C2orf42: variants seen among roughly 807,000 people sequenced by gnomAD.
The protein encoded by C2orf42 is uncharacterized protein C2orf42.
C2orf42 carries 44 observed loss-of-function variants against 58.9 expected under a neutral mutation model. That is an observed-to-expected ratio of 0.75 (90% CI 0.59 to 0.96). The LOEUF is 0.96. Among genes scored for constraint, C2orf42 ranks in the 40% least tolerant of loss-of-function variants. The pLI is 0.00. For missense variants in C2orf42, 630 were observed against 699.2 expected, an observed-to-expected ratio of 0.90 and a Z score of 1.12; for synonymous variants, 239 against 265.4, an observed-to-expected ratio of 0.90 and a Z score of 0.97.
chr2:70,159,607 A>AAT, intron 9 of C2orf42, among the ~76,000 whole-genome samples: 1 of 150,104 alleles, frequency 6.7e-6, no homozygotes, highest in Admixed American at 6.6e-5. Flanking sequence ...AAAAAAAAAA[A>AAT]TTTAGAACTG....
chr2:70,158,711 G>A (rs1672859406), intron 9 of C2orf42, among the ~76,000 whole-genome samples: 1 of 151,758 alleles, frequency 6.6e-6, no homozygotes. Flanking sequence ...GCCTCCCAAA[G>A]TGCTGGAATT....
intron 9 of C2orf42, among the ~76,000 whole-genome samples, chr2:70,157,654 G>T (rs1012576045): frequency 6.6e-6 from 1 of 152,014 alleles, no homozygotes; most frequent in Non-Finnish European, 1.5e-5. Flanking sequence ...AAAATTAGCA[G>T]GGTGTGGTGG....
intron 9 of C2orf42, among the ~76,000 whole-genome samples, chr2:70,154,541 G>C (rs1265164471): frequency 6.7e-6 from 1 of 149,226 alleles, no homozygotes; most frequent in Non-Finnish European, 1.5e-5. Flanking sequence ...AAAACAGAAA[G>C]ATTAGAAATA....
At chr2:70,159,907 A>G (rs1432295819) in intron 9 of C2orf42, among the ~76,000 whole-genome samples, 2 of 152,172 alleles carry the variant, frequency 1.3e-5, no homozygotes, top group Non-Finnish European at 2.9e-5. Flanking sequence ...TAAAACTAAG[A>G]GATTTCCATA....
chr2:70,159,394 C>A (rs968642614), intron 9 of C2orf42, among the ~76,000 whole-genome samples: 1 of 151,516 alleles, frequency 6.6e-6, no homozygotes, highest in African/African-American at 2.4e-5. Context: ...TCGAGACCAG[C>A]CTGGGCAACA....
At chr2:70,184,519 A>G (rs1291100404) in intron 1 of C2orf42, among the ~76,000 whole-genome samples, 12 of 112,858 alleles carry the variant, frequency 1.1e-4, no homozygotes, top group African/African-American at 4.0e-4. Flanking sequence ...ACAGAGTCTC[A>G]CTCTGTTGTC....
At chr2:70,179,962 C>CA (rs904225690) in intron 3 of C2orf42, among the ~76,000 whole-genome samples, 31 of 148,724 alleles carry the variant, frequency 2.1e-4, no homozygotes, top group African/African-American at 4.4e-4. Flanking sequence ...AAAACAAAAA[C>CA]AAAAAAAAAA....
chr2:70,157,462 C>G (rs1396691622), intron 9 of C2orf42, among the ~76,000 whole-genome samples: 4 of 148,572 alleles, frequency 2.7e-5, no homozygotes, highest in African/African-American at 1.0e-4. Context: ...TCAAAACAAA[C>G]AAACAAACAA....
chr2:70,162,737 G>A (rs1673138656), intron 8 of C2orf42, among the ~76,000 whole-genome samples: 1 of 151,922 alleles, frequency 6.6e-6, no homozygotes, highest in Non-Finnish European at 1.5e-5. Context: ...CTCCTAAATC[G>A]CTGGTATTAT....
At chr2:70,169,469 T>C in intron 6 of C2orf42, 88 bp downstream of exon 6, 1 of 624,356 alleles carries the variant, frequency 1.6e-6, no homozygotes, top group Non-Finnish European at 2.9e-6. Context: ...GAAGTCCAAT[T>C]ACTTTTCCTA....
chr2:70,186,861 C>T (rs1187871007), intron 1 of C2orf42, among the ~76,000 whole-genome samples: 1 of 151,714 alleles, frequency 6.6e-6, no homozygotes, highest in Non-Finnish European at 1.5e-5. Flanking sequence ...GGACAAAAAA[C>T]CAAACACCGC....
chr2:70,172,719 C>T (rs1044262847), intron 5 of C2orf42, among the ~76,000 whole-genome samples: 34 of 152,196 alleles, frequency 2.2e-4, no homozygotes, highest in East Asian at 7.7e-4. Flanking sequence ...AATATCTTCA[C>T]GTGTCTGAAG....
chr2:70,159,827 T>G (rs541620769), intron 9 of C2orf42, among the ~76,000 whole-genome samples: 2 of 152,248 alleles, frequency 1.3e-5, no homozygotes, highest in Admixed American at 6.5e-5. Context: ...TAAGCCACTG[T>G]GCCCAGCTTT....
At position 70,150,536 on chromosome 2, in the gene C2orf42, T is replaced by C; in HGVS notation, c.1545A>G (p.Pro515=). The change falls in exon 10 of 10, where the codon CCA becomes CCG. Residue 515 remains proline (P), a synonymous_variant. Coordinates refer to ENST00000264434, the MANE Select transcript of C2orf42 (RefSeq NM_017880.3). The stretch of plus-strand genomic sequence containing the variant: ...GGATCCACTCGATGATGAAAGGTGT[T>C]GGCTCCTTTTGATCTGGGGAAGTGT... ...VGNTSPDQKE[P]TPFIIEWIPD... is the part of the protein sequence containing the mutation. 1.2e-6 allele frequency: 2 copies of C among 1,613,774 alleles called. No homozygotes were observed. The highest frequency in any genetic ancestry group is 4.5e-5 in the East Asian group (2 of 44,882).
intron 1 of C2orf42, among the ~76,000 whole-genome samples, chr2:70,188,574 C>T (rs538179897): frequency 2.0e-5 from 3 of 152,178 alleles, no homozygotes; most frequent in Non-Finnish European, 4.4e-5. Flanking sequence ...AGTTCCCAAA[C>T]ACCACTCACC....
At position 70,177,620 on chromosome 2, in the gene C2orf42, G is replaced by A. The variant is rs79838272; in HGVS notation, c.935-1843C>T. ...TCCCTAGCAATATTTCCTATAGGTA[G>A]GACCATTTTAAGGATCTTAACAGAT... On this transcript the variant is annotated intron_variant, in intron 4 of 9. Transcript: ENST00000264434. 4.5e-3 allele frequency among the ~76,000 whole-genome samples: 678 copies of A among 152,220 alleles called. 3 individuals carry two copies. Among genetic ancestry groups the A allele is most frequent in the Non-Finnish European group, 6.3e-3 (427 of 68,028 alleles).
At chr2:70,162,914 C>A (rs780332062) in intron 8 of C2orf42, among the ~76,000 whole-genome samples, 7 of 152,186 alleles carry the variant, frequency 4.6e-5, no homozygotes, top group Non-Finnish European at 1.0e-4. Context: ...GTCCCCCAGG[C>A]TGGAGTGCAA....
In C2orf42 at chr2:70,165,073, T is replaced by C. The variant is rs990816906; in HGVS notation, c.1353+19A>G. ...CTTCCCTTCACAACCCTCCCACTGT[T>C]ATAGAAATAAACTCTCACCTCTGGG... On this transcript the variant is annotated intron_variant, in intron 8 of 9. Transcript: ENST00000264434. 5.9e-6 allele frequency: 8 copies of C among 1,365,416 alleles called. No homozygotes were observed. Among genetic ancestry groups the C allele is most frequent in the Non-Finnish European group, 8.3e-6 (8 of 963,906 alleles). 84.6% of individuals were successfully genotyped at this position (1,365,416 alleles called of 1,614,324 possible).
In C2orf42 at chr2:70,187,795, A is replaced by G. The variant is rs535724189; in HGVS notation, c.-282+3178T>C. Among the ~76,000 whole-genome samples the G allele has an allele frequency of 9.2e-5, 14 of 151,540 alleles. No homozygotes were observed. The South Asian group carries it at 2.1e-3, about 23-fold the overall frequency. On this transcript the variant is annotated intron_variant, in intron 1 of 9. Transcript: ENST00000264434. ...AACCTCCGCCTCCCGGGTTCAAGCA[A>G]TTCTCCTGCCTCAGCCTCCCGATTA...
Sources: allele counts gnomAD v4.1 joint callset (sites outside exome capture counted in the v4.1 genomes callset), GRCh38; gene constraint gnomAD v4.1.1; transcripts MANE v1.5; gene names NCBI Gene and HGNC (gene_info 2026-07-23, HGNC 2026-07-21).